Variants in PHLDB3 observed in about 807,000 individuals in gnomAD.
PHLDB3 encodes pleckstrin homology-like domain family B member 3.
Under a neutral mutation model 85.7 loss-of-function variants are expected in PHLDB3, and 86 were observed. That is an observed-to-expected ratio of 1.00 (90% CI 0.84 to 1.20). PHLDB3 has a LOEUF of 1.20. Among genes scored for constraint, PHLDB3 ranks in the 50% most tolerant of loss-of-function variants. PHLDB3 has a pLI of 0.00. For missense variants in PHLDB3, 995 were observed against 873.0 expected (o/e 1.14, Z -1.76); for synonymous variants, 376 against 349.8 (o/e 1.07, Z -0.83).
intron 4 of PHLDB3, among the ~76,000 whole-genome samples, chr19:43,499,030 G>T (rs907298961): frequency 2.0e-5 from 3 of 152,084 alleles, no homozygotes; most frequent in African/African-American, 7.2e-5. Flanking sequence ...GAAAGGATGG[G>T]GTAGGAGCTA....
At chr19:43,479,112 T>C (rs1470615573) in intron 14 of PHLDB3, among the ~76,000 whole-genome samples, 1 of 151,962 alleles carries the variant, frequency 6.6e-6, no homozygotes, top group Non-Finnish European at 1.5e-5. Flanking sequence ...ACTAAACTGT[T>C]ATCTATGTCC....
chr19:43,495,570 T>G lies in PHLDB3; in HGVS notation c.876A>C (p.Ser292=), dbSNP rs1307052305. 6.2e-7 allele frequency: 1 copy of G among 1,610,560 alleles called. No homozygotes were observed. Among genetic ancestry groups the G allele is most frequent in the South Asian group, 1.1e-5 (1 of 90,278 alleles). Residue 292 remains serine, a synonymous_variant, in exon 7 of 16, where the codon TCA becomes TCC. Transcript: ENST00000292140. ...TCTCGGCTGCCATCTGCTCCCCCAGTGACTTGAGCTGCTCTTCCAGGACCC... is the reference window on the plus strand; with the variant it reads ...TCTCGGCTGCCATCTGCTCCCCCAGGGACTTGAGCTGCTCTTCCAGGACCC... ...RIRVLEEQLK[S]LGEQMAAESR...
intron 13 of PHLDB3, among the ~76,000 whole-genome samples, chr19:43,482,272 C>A (rs947260692): frequency 6.6e-6 from 1 of 152,186 alleles, no homozygotes; most frequent in African/African-American, 2.4e-5. Flanking sequence ...TCCTGCCCCT[C>A]TGGGAGCCTC....
chr19:43,488,074 A>C (rs1971224373), intron 9 of PHLDB3, among the ~76,000 whole-genome samples: 1 of 151,982 alleles, frequency 6.6e-6, no homozygotes, highest in South Asian at 2.1e-4. Context: ...GAATTGCTTG[A>C]ACCTGGGAGG....
At chr19:43,499,430 G>T (rs1971537838) in intron 4 of PHLDB3, among the ~76,000 whole-genome samples, 1 of 151,976 alleles carries the variant, frequency 6.6e-6, no homozygotes, top group African/African-American at 2.4e-5. Context: ...GGAGCTGGGG[G>T]TCTGGACTCC....
chr19:43,503,751 ATC>A (rs1971676386), intron 2 of PHLDB3, among the ~76,000 whole-genome samples, 153 bp downstream of exon 2: 2 of 151,260 alleles, frequency 1.3e-5, no homozygotes, highest in East Asian at 2.0e-4. Flanking sequence ...GTCCTGGTGT[ATC>A]TCTCTCTCAG....
At chr19:43,492,891 GTTATTA>G (rs199624815) in intron 9 of PHLDB3, among the ~76,000 whole-genome samples, 1 of 151,756 alleles carries the variant, frequency 6.6e-6, no homozygotes, top group Non-Finnish European at 1.5e-5. Context: ...TATTGTTAAT[GTTATTA>G]TTATTATTAT....
At chr19:43,495,727 G>C (rs1971441554) in intron 6 of PHLDB3, 107 bp from the exon 7 acceptor site, 1 of 1,449,158 alleles carries the variant, frequency 6.9e-7, no homozygotes, top group Non-Finnish European at 9.1e-7. Context: ...CACTCCCAGA[G>C]ACCATGGGAT....
At chr19:43,487,793 A>C (rs1971215787) in intron 9 of PHLDB3, among the ~76,000 whole-genome samples, 1 of 152,016 alleles carries the variant, frequency 6.6e-6, no homozygotes, top group Non-Finnish European at 1.5e-5. Context: ...AAGACACAGA[A>C]CTGTACATTT....
chr19:43,494,675 G>C, intron 9 of PHLDB3, 27 bp downstream of exon 9: 2 of 1,546,588 alleles, frequency 1.3e-6, no homozygotes, highest in Non-Finnish European at 1.8e-6. Flanking sequence ...AAGATATATG[G>C]GGAAACAGAG....
At chr19:43,488,285 G>T (rs950792837) in intron 9 of PHLDB3, among the ~76,000 whole-genome samples, 12 of 151,954 alleles carry the variant, frequency 7.9e-5, no homozygotes, top group Admixed American at 3.3e-4. Flanking sequence ...GTGAAACTCT[G>T]TCTCTACAAA....
At chr19:43,489,373 T>TG (rs1486045638) in intron 9 of PHLDB3, among the ~76,000 whole-genome samples, 1 of 144,872 alleles carries the variant, frequency 6.9e-6, no homozygotes, top group Non-Finnish European at 1.5e-5. Flanking sequence ...CTTAAAGTTT[T>TG]TTTTTTTTTT....
intron 7 of PHLDB3, 34 bp downstream of exon 7, chr19:43,495,461 G>A: frequency 6.2e-7 from 1 of 1,604,914 alleles, no homozygotes; most frequent in Non-Finnish European, 8.5e-7. Context: ...GGGAAGTGAG[G>A]ACGGTAGGGT....
In PHLDB3 at chr19:43,479,611, G is replaced by C. The variant is rs775341943; in HGVS notation, c.1486-18C>G. 1.3e-6 allele frequency: 2 copies of C among 1,495,082 alleles called. No homozygotes were observed. The highest frequency in any genetic ancestry group is 1.8e-6 in the Non-Finnish European group (2 of 1,099,688). 92.6% of individuals were successfully genotyped at this position (1,495,082 alleles called of 1,614,324 possible). The stretch of plus-strand genomic sequence containing the variant: ...GGTGGGGCCTGGGGAGCAAAGAGAC[G>C]GGGCAGCTGATGTAAGGGGCGGGGG... On this transcript the variant is annotated intron_variant, in intron 13 of 15. Transcript: ENST00000292140.
At chr19:43,502,403 A>C (rs1425125029) in intron 2 of PHLDB3, 120 bp from the exon 3 acceptor site, 2 of 862,370 alleles carry the variant, frequency 2.3e-6, no homozygotes, top group Non-Finnish European at 3.4e-6. Context: ...CACTTACCTA[A>C]CACAACCACC....
Position 43,475,336 on chromosome 19 carries a change from G to A in PHLDB3, c.*74C>T. 1.9e-6 allele frequency: 3 copies of A among 1,559,944 alleles called. No homozygotes were observed. The highest frequency in any genetic ancestry group is 3.9e-5 in the Admixed American group (2 of 51,788). On this transcript the variant is annotated 3_prime_UTR_variant, in exon 16 of 16. Coordinates refer to ENST00000292140, the MANE Select transcript of PHLDB3 (RefSeq NM_198850.4). ...GCGTCCAAGTTTTCCGGCAGTGGGC[G>A]GGGCCTAGGAACGCCCCCGCGCCCC... is the stretch of plus-strand genomic sequence containing the variant.
chr19:43,499,615 T>C (rs1393991524), intron 4 of PHLDB3, among the ~76,000 whole-genome samples: 1 of 152,026 alleles, frequency 6.6e-6, no homozygotes, highest in Admixed American at 6.6e-5. Flanking sequence ...CTCATAAAAT[T>C]CCAACATACA....
intron 4 of PHLDB3, among the ~76,000 whole-genome samples, chr19:43,499,553 G>C (rs903465496): frequency 2.6e-5 from 4 of 151,984 alleles, no homozygotes; most frequent in African/African-American, 9.7e-5. Flanking sequence ...AGGAGAGAGG[G>C]CCTGGGAGAA....
At chr19:43,503,428 G>A (rs555656797) in intron 2 of PHLDB3, among the ~76,000 whole-genome samples, 93 of 152,106 alleles carry the variant, frequency 6.1e-4, no homozygotes, top group Admixed American at 6.0e-3. Context: ...TCAGCCTCCC[G>A]AGTAGCTGGG....
Sources: allele counts gnomAD v4.1 joint callset (sites outside exome capture counted in the v4.1 genomes callset), GRCh38; gene constraint gnomAD v4.1.1; transcripts MANE v1.5; gene names NCBI Gene and HGNC (gene_info 2026-07-23, HGNC 2026-07-21).